Variants in KIF26B observed in about 807,000 individuals in gnomAD.
KIF26B encodes the protein kinesin family member 26B.
A neutral mutation model predicts 151.2 loss-of-function variants in KIF26B; 63 were observed. That is an observed-to-expected ratio of 0.42 (90% confidence interval 0.34 to 0.51). The LOEUF (loss-of-function observed/expected upper bound fraction) is 0.51. KIF26B is among the 20% of genes least tolerant of loss of function. KIF26B has a pLI of 0.07. For synonymous variants in KIF26B, 1,357 were observed against 1,262.1 expected, an observed-to-expected ratio of 1.08 and a Z score of -1.59; for missense variants, 2,813 against 2,913.6, an observed-to-expected ratio of 0.97 and a Z score of 0.79.
intron 4 of KIF26B, among the ~76,000 whole-genome samples, chr1:245,522,076 A>G (rs144973070): frequency 0.013 from 1,973 of 152,128 alleles, 40 homozygotes; most frequent in African/African-American, 0.045. Context: ...TCACCGTGTT[A>G]GCCAGGATGG....
chr1:245,432,379 G>A (rs1263332360), intron 4 of KIF26B, among the ~76,000 whole-genome samples: 1 of 152,192 alleles, frequency 6.6e-6, no homozygotes, highest in African/African-American at 2.4e-5. Context: ...TCTTATTACA[G>A]TGGGAGTACC....
intron 4 of KIF26B, among the ~76,000 whole-genome samples, chr1:245,445,278 A>T (rs1404080403): frequency 3.3e-5 from 5 of 152,238 alleles, no homozygotes; most frequent in Non-Finnish European, 7.3e-5. Context: ...AGGCAACCCC[A>T]GCCTTGGCAG....
chr1:245,648,207 G>A (rs1335975671), intron 10 of KIF26B, among the ~76,000 whole-genome samples: 1 of 152,208 alleles, frequency 6.6e-6, no homozygotes, highest in Admixed American at 6.5e-5. Context: ...TGTTTCTGCA[G>A]GGCGACATGC....
chr1:245,234,146 T>G (rs1450421661), intron 2 of KIF26B, among the ~76,000 whole-genome samples: 1 of 151,594 alleles, frequency 6.6e-6, no homozygotes, highest in Admixed American at 6.6e-5. Context: ...ATCGCGCCAC[T>G]GCACTTCAGC....
chr1:245,609,616 C>A (rs950774016), intron 8 of KIF26B, 88 bp downstream of exon 8: 3 of 1,366,070 alleles, frequency 2.2e-6, no homozygotes, highest in Non-Finnish European at 2.9e-6. Context: ...ATCACTGAAC[C>A]TGTAAACTCA....
At position 245,365,513 on chromosome 1, in the gene KIF26B, T is replaced by TC. The variant is rs528122828; in HGVS notation, c.466-1314dup. On this transcript the variant is annotated intron_variant, in intron 2 of 14. Coordinates refer to ENST00000407071, the MANE Select transcript of KIF26B (RefSeq NM_018012.4). ...TCCTGCCCCGTCACTGCCTCACAACTCCCCCCCACCAGCCTACAGCTCAGC... is the reference window on the plus strand; with the variant it reads ...TCCTGCCCCGTCACTGCCTCACAACTCCCCCCCCACCAGCCTACAGCTCAGC... Among the ~76,000 whole-genome samples the TC allele has an allele frequency of 2.2e-3, 300 of 137,278 alleles. 3 individuals are homozygous for TC. Among genetic ancestry groups the TC allele is most frequent in the African/African-American group, 8.1e-3 (257 of 31,802 alleles). 90.1% of individuals were successfully genotyped at this position (137,278 alleles called of 152,430 possible).
intron 2 of KIF26B, among the ~76,000 whole-genome samples, chr1:245,336,339 G>T (rs1486387600): frequency 6.6e-6 from 1 of 152,206 alleles, no homozygotes; most frequent in East Asian, 1.9e-4. Flanking sequence ...AAAAAGGACT[G>T]CTCTGGGGAT....
chr1:245,609,631 C>CGT (rs1250484926), intron 8 of KIF26B, 103 bp downstream of exon 8: 1 of 1,251,350 alleles, frequency 8.0e-7, no homozygotes, highest in East Asian at 2.7e-5. Context: ...AACTCAGAGG[C>CGT]TTACGGGTGT....
intron 9 of KIF26B, among the ~76,000 whole-genome samples, chr1:245,637,279 T>A (rs142779318): frequency 8.5e-4 from 130 of 152,260 alleles, no homozygotes; most frequent in African/African-American, 3.1e-3. Context: ...GTTGAACATC[T>A]TTTCACATAC....
At chr1:245,373,688 C>T (rs149613143) in intron 3 of KIF26B, among the ~76,000 whole-genome samples, 1 of 152,206 alleles carries the variant, frequency 6.6e-6, no homozygotes, top group Non-Finnish European at 1.5e-5. Flanking sequence ...TGGCCGAAGT[C>T]ATTATGAGGT....
intron 2 of KIF26B, among the ~76,000 whole-genome samples, chr1:245,194,306 G>C (rs1024943287): frequency 5.9e-5 from 9 of 152,198 alleles, no homozygotes; most frequent in African/African-American, 1.7e-4. Context: ...TATGGAAAGG[G>C]AGGCCCTCTC....
intron 2 of KIF26B, among the ~76,000 whole-genome samples, chr1:245,324,339 A>G (rs781529022): frequency 6.6e-6 from 1 of 152,218 alleles, no homozygotes; most frequent in Non-Finnish European, 1.5e-5. Flanking sequence ...TGTTTAGGAC[A>G]TCTCATCTTC....
chr1:245,680,693 T>C (rs2044423090), intron 10 of KIF26B, among the ~76,000 whole-genome samples: 1 of 152,212 alleles, frequency 6.6e-6, no homozygotes, highest in Non-Finnish European at 1.5e-5. Flanking sequence ...TCCTCATCTT[T>C]TGCAGATTCT....
At position 245,417,438 on chromosome 1, in the gene KIF26B, C is replaced by A. The variant is rs376672215; in HGVS notation, c.1000-2141C>A. On this transcript the variant is annotated intron_variant, in intron 3 of 14. Coordinates refer to ENST00000407071, the MANE Select transcript of KIF26B (RefSeq NM_018012.4). Reference sequence around the variant, plus strand: ...CTTCTCTGGTCTTCAGGTGTCTTATCTAAGGAGAAGAGTTTTGAAGATGAT... The same window carrying A: ...CTTCTCTGGTCTTCAGGTGTCTTATATAAGGAGAAGAGTTTTGAAGATGAT... 1.9e-4 allele frequency among the ~76,000 whole-genome samples: 29 copies of A among 152,182 alleles called. No individual in the cohort carries two copies. In the East Asian group the frequency reaches 5.4e-3, roughly 28 times the overall value.
chr1:245,688,651 T>C lies in KIF26B; in HGVS notation c.5668T>C (p.Tyr1890His), dbSNP rs568666382. 2.7e-5 allele frequency: 44 copies of C among 1,604,514 alleles called. No homozygotes were observed. The East Asian group carries it at 9.5e-4, about 34-fold the overall frequency. Reference protein sequence around the residue: ...PPAMGKTALFYHSGGSSGYES... With the variant: ...PPAMGKTALFHHSGGSSGYES... ...GGCCATGGGGAAGACGGCCCTGTTC[T>C]ACCACAGCGGCGGCAGCAGCGGCTA... The change falls in exon 12 of 15, where the codon TAC (tyrosine) becomes CAC (histidine). Residue 1890 changes from tyrosine to histidine, a missense_variant. Tyr to His is a moderately conservative substitution (Grantham distance 83). This residue lies in a region of KIF26B where 2,060 missense variants were observed against 2,088.6 expected (regional missense o/e 0.99). Transcript: ENST00000407071.
chr1:245,624,637 A>G (rs1296958373), intron 9 of KIF26B, among the ~76,000 whole-genome samples: 3 of 152,230 alleles, frequency 2.0e-5, no homozygotes, highest in African/African-American at 7.2e-5. Context: ...TTCTGGATGC[A>G]AATCCTTTAT....
At position 245,303,293 on chromosome 1, in the gene KIF26B, G is replaced by A. The variant is rs1436172945; in HGVS notation, c.466-63541G>A. 1.3e-4 allele frequency among the ~76,000 whole-genome samples: 19 copies of A among 146,736 alleles called. 1 individual carries two copies. The South Asian group carries it at 2.8e-3, about 22-fold the overall frequency. The stretch of plus-strand genomic sequence containing the variant: ...GGCTCACTGCAAGCTCCGCCTCCCG[G>A]GTTCACGCCATTCTCCTGCCTCAGC... On this transcript the variant is annotated intron_variant, in intron 2 of 14. Coordinates refer to ENST00000407071, the MANE Select transcript of KIF26B (RefSeq NM_018012.4).
At chr1:245,229,695 A>G (rs1669952241) in intron 2 of KIF26B, among the ~76,000 whole-genome samples, 1 of 152,248 alleles carries the variant, frequency 6.6e-6, no homozygotes, top group Non-Finnish European at 1.5e-5. Flanking sequence ...ACTGATTAAA[A>G]GTAGTGTTTG....
At chr1:245,292,309 T>A (rs1463541427) in intron 2 of KIF26B, among the ~76,000 whole-genome samples, 1 of 152,192 alleles carries the variant, frequency 6.6e-6, no homozygotes, top group Non-Finnish European at 1.5e-5. Flanking sequence ...CACCGGAAGC[T>A]GGTGCACTGG....
Sources: gnomAD v4.1 joint callset for allele counts (sites outside exome capture counted in the v4.1 genomes callset) on GRCh38, gnomAD v4.1.1 for gene constraint, gnomAD v4.1.1 regional missense constraint, MANE v1.5 for transcripts, NCBI Gene and HGNC (gene_info 2026-07-23, HGNC 2026-07-21) for gene names.